Variants in PDE4D observed in about 807,000 individuals in gnomAD.
PDE4D encodes 3',5'-cyclic-AMP phosphodiesterase 4D.
In PDE4D, 24 loss-of-function variants were observed where a neutral mutation model predicts 87.4. The observed-to-expected ratio is 0.27, with a 90% CI of 0.20 to 0.39. The LOEUF (loss-of-function observed/expected upper bound fraction) is 0.39, where lower values mean the gene tolerates loss of function less well. Among genes scored for constraint, PDE4D ranks in the 10% least tolerant of loss-of-function variants. The probability of loss-of-function intolerance (pLI) is 1.00; values close to 1 mark genes in which losing one functional copy is unlikely to be tolerated. For missense variants in PDE4D, 714 were observed against 1,041.0 expected (o/e 0.69, Z 4.32); for synonymous variants, 384 against 383.2 (o/e 1.00, Z -0.02).
intron 1 of PDE4D, among the ~76,000 whole-genome samples, chr5:59,517,096 C>T (rs192901415): frequency 2.0e-4 from 30 of 151,986 alleles, no homozygotes; most frequent in African/African-American, 6.0e-4. Flanking sequence ...TTGAGAAATA[C>T]GAAAAACTAT....
At chr5:60,332,313 T>C (rs1278031824) in intron 1 of PDE4D, among the ~76,000 whole-genome samples, 1 of 152,138 alleles carries the variant, frequency 6.6e-6, no homozygotes, top group Non-Finnish European at 1.5e-5. Flanking sequence ...CAAAAGGAAG[T>C]TGTTTAGCCC....
intron 1 of PDE4D, among the ~76,000 whole-genome samples, chr5:60,426,428 T>A (rs890074893): frequency 1.3e-5 from 2 of 151,946 alleles, no homozygotes; most frequent in Admixed American, 6.6e-5. Flanking sequence ...ACTATCACAA[T>A]GACAGAAAAC....
chr5:60,385,818 C>A (rs376302967), intron 1 of PDE4D, among the ~76,000 whole-genome samples: 2 of 152,258 alleles, frequency 1.3e-5, no homozygotes, highest in East Asian at 1.9e-4. Flanking sequence ...TGGAATACAC[C>A]AACTTTTTAG....
chr5:60,298,245 C>T (rs1358843326), intron 1 of PDE4D, among the ~76,000 whole-genome samples: 1 of 152,052 alleles, frequency 6.6e-6, no homozygotes, highest in Non-Finnish European at 1.5e-5. Flanking sequence ...TCAATCTCTC[C>T]TGTTTATGAC....
chr5:59,183,652 T>C (rs910733382), intron 4 of PDE4D, among the ~76,000 whole-genome samples: 2 of 152,158 alleles, frequency 1.3e-5, no homozygotes, highest in African/African-American at 2.4e-5. Flanking sequence ...GGGGAGGTGA[T>C]TGACCTTACA....
intron 1 of PDE4D, among the ~76,000 whole-genome samples, chr5:59,638,481 C>A (rs754773776): frequency 6.6e-6 from 1 of 152,026 alleles, no homozygotes; most frequent in African/African-American, 2.4e-5. Context: ...AAAGGGAATT[C>A]ATCATAAATG....
intron 2 of PDE4D, among the ~76,000 whole-genome samples, chr5:60,140,316 C>T (rs1780417841): frequency 6.6e-6 from 1 of 151,752 alleles, no homozygotes; most frequent in African/African-American, 2.4e-5. Flanking sequence ...TCTATAATTA[C>T]ATGGTATATT....
intron 1 of PDE4D, among the ~76,000 whole-genome samples, chr5:59,474,902 A>G (rs1030228759): frequency 6.6e-6 from 1 of 152,142 alleles, no homozygotes; most frequent in East Asian, 1.9e-4. Context: ...CTACAACTGT[A>G]GGAACAGTGT....
At chr5:59,002,820 G>A (rs1750808274) in intron 6 of PDE4D, among the ~76,000 whole-genome samples, 1 of 152,142 alleles carries the variant, frequency 6.6e-6, no homozygotes, top group Non-Finnish European at 1.5e-5. Flanking sequence ...AAAGTATTAG[G>A]TTTGAAGTGA....
At chr5:59,435,991 G>A (rs1415370144) in intron 1 of PDE4D, among the ~76,000 whole-genome samples, 1 of 152,150 alleles carries the variant, frequency 6.6e-6, no homozygotes, top group African/African-American at 2.4e-5. Flanking sequence ...TGGGCTATCA[G>A]TTTCAGTTCA....
chr5:60,483,351 C>G (rs927628850), intron 1 of PDE4D, among the ~76,000 whole-genome samples: 1 of 152,044 alleles, frequency 6.6e-6, no homozygotes, highest in African/African-American at 2.4e-5. Context: ...ATATTTCTAC[C>G]CAGTACTTTT....
At chr5:59,887,271 G>A (rs536029843) in intron 1 of PDE4D, among the ~76,000 whole-genome samples, 26 of 152,274 alleles carry the variant, frequency 1.7e-4, no homozygotes, top group South Asian at 1.0e-3. Context: ...GGCAATGGTG[G>A]TATGTGTGAA....
intron 3 of PDE4D, among the ~76,000 whole-genome samples, chr5:59,899,163 T>C (rs1159906205): frequency 6.6e-6 from 1 of 152,210 alleles, no homozygotes; most frequent in Non-Finnish European, 1.5e-5. Flanking sequence ...TTTCATCACA[T>C]TTTAACATTA....
chr5:59,293,604 A>G (rs980330289), intron 1 of PDE4D, among the ~76,000 whole-genome samples: 23 of 152,136 alleles, frequency 1.5e-4, no homozygotes, highest in Admixed American at 4.6e-4. Context: ...TGTAGAATGC[A>G]TTGTTTGGCA....
chr5:59,761,113 G>C (rs1472301616), intron 1 of PDE4D, among the ~76,000 whole-genome samples: 1 of 152,084 alleles, frequency 6.6e-6, no homozygotes, highest in Admixed American at 6.6e-5. Context: ...TGACTATTGT[G>C]GGCAATCATA....
At chr5:59,786,008 G>C (rs897146012) in intron 1 of PDE4D, among the ~76,000 whole-genome samples, 1 of 144,976 alleles carries the variant, frequency 6.9e-6, no homozygotes, top group African/African-American at 2.5e-5. Context: ...TGAGGGTGGG[G>C]GGAACTGGCA....
At chr5:59,605,393 T>C (rs1030265749) in intron 1 of PDE4D, among the ~76,000 whole-genome samples, 28 of 152,108 alleles carry the variant, frequency 1.8e-4, no homozygotes, top group African/African-American at 6.0e-4. Context: ...AGACTTAAAG[T>C]ATTTAAAGAA....
At chr5:59,039,303 G>C (rs776612837) in intron 5 of PDE4D, 1 of 1,060,074 alleles carries the variant, frequency 9.4e-7, no homozygotes. Flanking sequence ...CGGCGGGCCC[G>C]AGTCCCAGTC....
intron 3 of PDE4D, among the ~76,000 whole-genome samples, chr5:59,973,038 C>T (rs1183609775): frequency 6.6e-6 from 1 of 152,058 alleles, no homozygotes; most frequent in South Asian, 2.1e-4. Context: ...TCCCTACCTC[C>T]CACCATAGTT....
Sources: allele counts gnomAD v4.1 joint callset (sites outside exome capture counted in the v4.1 genomes callset), GRCh38; gene constraint gnomAD v4.1.1; transcripts MANE v1.5; gene names NCBI Gene and HGNC (gene_info 2026-07-23, HGNC 2026-07-21).